Variants in TMCC1 observed in about 807,000 individuals in gnomAD.
TMCC1 encodes transmembrane and coiled-coil domain family 1, also known as transmembrane and coiled-coil domains protein 1.
A neutral mutation model predicts 52.4 loss-of-function variants in TMCC1; 15 were observed. The ratio of observed to expected loss-of-function variants is 0.29; its 90% CI spans 0.19 to 0.44. The LOEUF is 0.44. Among genes scored for constraint, TMCC1 ranks in the 20% least tolerant of loss-of-function variants. TMCC1 has a pLI of 1.00. For missense variants in TMCC1, 503 were observed against 806.0 expected, an observed-to-expected ratio of 0.62 and a Z score of 4.55; for synonymous variants, 279 against 301.9, an observed-to-expected ratio of 0.92 and a Z score of 0.79.
rs1239838746 is a variant in TMCC1 at position 129,790,902 on chromosome 3, T to C, written c.576+36901A>G. Among the ~76,000 whole-genome samples, 3 of 152,150 alleles carry C rather than the reference T, an allele frequency of 2.0e-5. No individual in the cohort carries two copies. In the East Asian group the frequency reaches 5.8e-4, roughly 29 times the overall value. On this transcript the variant is annotated intron_variant, in intron 4 of 6. Coordinates refer to ENST00000393238, the MANE Select transcript of TMCC1 (RefSeq NM_001017395.5). ...TGGCCAACGAAAACAAATTTAATTA[T>C]GGGAAATATTTTATCAAGTTTGACT...
chr3:129,870,727 G>C (rs1166277779), intron 2 of TMCC1, among the ~76,000 whole-genome samples: 2 of 18,868 alleles, frequency 1.1e-4, no homozygotes, highest in African/African-American at 3.3e-4. Flanking sequence ...GCGGGGGGGG[G>C]GGGGGGGGGG....
intron 5 of TMCC1, among the ~76,000 whole-genome samples, chr3:129,656,022 G>C (rs982647373): frequency 1.1e-4 from 16 of 152,176 alleles, no homozygotes; most frequent in Admixed American, 6.5e-4. Flanking sequence ...GGGAAATCTG[G>C]AAGATCCGAA....
rs564742574 is a variant in TMCC1, at chr3:129,879,383, G to A, written c.-184+926C>T. Among the ~76,000 whole-genome samples the A allele has an allele frequency of 2.4e-3, 358 of 152,180 alleles. 7 individuals carry two copies. Among genetic ancestry groups the A allele is most frequent in the Non-Finnish European group, 3.4e-3 (233 of 68,040 alleles). On this transcript the variant is annotated intron_variant, in intron 2 of 6. Coordinates refer to ENST00000393238, the MANE Select transcript of TMCC1 (RefSeq NM_001017395.5). Reference sequence around the variant, plus strand: ...TTGTGCCCAGGAATGTGAGATTGCTGTGAGCTACGACTGCACCCTTGCACT... The same window carrying A: ...TTGTGCCCAGGAATGTGAGATTGCTATGAGCTACGACTGCACCCTTGCACT...
intron 2 of TMCC1, among the ~76,000 whole-genome samples, chr3:129,834,433 C>G (rs1298041671): frequency 6.6e-6 from 1 of 152,160 alleles, no homozygotes; most frequent in Non-Finnish European, 1.5e-5. Flanking sequence ...CTAATCCTCA[C>G]AACAACCCAC....
chr3:129,750,509 T>C (rs527427812), intron 4 of TMCC1, among the ~76,000 whole-genome samples: 2 of 151,366 alleles, frequency 1.3e-5, no homozygotes, highest in Admixed American at 6.6e-5. Context: ...TCTTTAAATA[T>C]ATTCATATCC....
chr3:129,759,144 G>C (rs925778818), intron 4 of TMCC1, among the ~76,000 whole-genome samples: 4 of 152,122 alleles, frequency 2.6e-5, no homozygotes, highest in African/African-American at 9.7e-5. Context: ...TGGGTTTTAA[G>C]TGGTTAGATA....
chr3:129,681,875 T>C (rs750926811), intron 4 of TMCC1, among the ~76,000 whole-genome samples: 148 of 147,716 alleles, frequency 1.0e-3, no homozygotes, highest in Non-Finnish European at 1.7e-3. Flanking sequence ...ACCACTGCAC[T>C]CCAGCCTGGA....
chr3:129,830,677 A>T lies in TMCC1; in HGVS notation c.-131+2097T>A, dbSNP rs1392563610. Among the ~76,000 whole-genome samples, 3 of 152,232 alleles carry T rather than the reference A, an allele frequency of 2.0e-5. 1 individual carries two copies. Among genetic ancestry groups the T allele is most frequent in the African/African-American group, 7.2e-5 (3 of 41,464 alleles). On this transcript the variant is annotated intron_variant, in intron 3 of 6. Transcript: ENST00000393238. ...TGTTGTTGTTGGAAGTAAAATGTAT[A>T]AAATATGTTTATCCCATGAGATTAA...
intron 4 of TMCC1, among the ~76,000 whole-genome samples, chr3:129,754,406 T>C (rs2052805004): frequency 6.6e-6 from 1 of 152,150 alleles, no homozygotes; most frequent in Non-Finnish European, 1.5e-5. Flanking sequence ...GGAATTAGAA[T>C]AGACAAACCA....
chr3:129,701,143 C>T (rs1262946754), intron 4 of TMCC1, among the ~76,000 whole-genome samples: 1 of 152,128 alleles, frequency 6.6e-6, no homozygotes, highest in African/African-American at 2.4e-5. Context: ...TATCTGATGA[C>T]TGAGTGAATA....
At chr3:129,855,867 G>A (rs1338491320) in intron 2 of TMCC1, among the ~76,000 whole-genome samples, 1 of 152,328 alleles carries the variant, frequency 6.6e-6, no homozygotes, top group East Asian at 1.9e-4. Context: ...GTAAGATCCT[G>A]TTTTAAACAG....
chr3:129,798,140 C>T (rs566469456), intron 4 of TMCC1, among the ~76,000 whole-genome samples: 25 of 152,100 alleles, frequency 1.6e-4, no homozygotes, highest in African/African-American at 3.6e-4. Flanking sequence ...GGATTACAGG[C>T]GCCTGCCACC....
chr3:129,732,823 G>A (rs1317106939), intron 4 of TMCC1, among the ~76,000 whole-genome samples: 1 of 152,138 alleles, frequency 6.6e-6, no homozygotes, highest in African/African-American at 2.4e-5. Flanking sequence ...GGTTCATGGT[G>A]CAAGAGAACA....
At chr3:129,845,015 A>G (rs1218293812) in intron 2 of TMCC1, among the ~76,000 whole-genome samples, 1 of 152,138 alleles carries the variant, frequency 6.6e-6, no homozygotes, top group Non-Finnish European at 1.5e-5. Context: ...ACATGGTGAA[A>G]CCCTGTCTCT....
rs148647991 is a variant in TMCC1 at position 129,820,926 on chromosome 3, C to A, written c.576+6877G>T. Among the ~76,000 whole-genome samples, 582 of 152,310 alleles carry A rather than the reference C, an allele frequency of 3.8e-3. 3 individuals are homozygous for A. The highest frequency in any genetic ancestry group is 0.014 in the African/African-American group (564 of 41,572). On this transcript the variant is annotated intron_variant, in intron 4 of 6. Transcript: ENST00000393238. The stretch of plus-strand genomic sequence containing the variant: ...AAGAGGTGGCGACTTCCAGCAATTT[C>A]ATTGTGGCCTTTTGATAGTACATAA...
chr3:129,666,271 G>A (rs1353015556), intron 5 of TMCC1, among the ~76,000 whole-genome samples: 1 of 152,084 alleles, frequency 6.6e-6, no homozygotes, highest in East Asian at 1.9e-4. Context: ...AAAGCCTAGG[G>A]CCATTTACTG....
chr3:129,674,116 A>G (rs1222929955), intron 4 of TMCC1, among the ~76,000 whole-genome samples: 1 of 152,226 alleles, frequency 6.6e-6, no homozygotes, highest in Non-Finnish European at 1.5e-5. Context: ...GTGTAAGCAC[A>G]CTCAGCGATG....
chr3:129,796,210 T>G (rs1428740235), intron 4 of TMCC1, among the ~76,000 whole-genome samples: 2 of 152,188 alleles, frequency 1.3e-5, no homozygotes, highest in Non-Finnish European at 2.9e-5. Flanking sequence ...CCTACAGTAT[T>G]TAGTACAGTA....
chr3:129,733,487 CT>C (rs2050707081), intron 4 of TMCC1, among the ~76,000 whole-genome samples: 1 of 152,146 alleles, frequency 6.6e-6, no homozygotes, highest in Non-Finnish European at 1.5e-5. Context: ...GTTTATTCTG[CT>C]GTCAGGTATA....
Sources: allele counts gnomAD v4.1 joint callset (sites outside exome capture counted in the v4.1 genomes callset), GRCh38; gene constraint gnomAD v4.1.1; transcripts MANE v1.5; gene names NCBI Gene and HGNC (gene_info 2026-07-23, HGNC 2026-07-21).